The following DTNA variants were observed in gnomAD, a reference collection of about 807,000 sequenced individuals.
DTNA encodes the protein dystrophin-related protein 3.
In DTNA, 43 loss-of-function variants were observed where a neutral mutation model predicts 100.7. That is an observed-to-expected ratio of 0.43 (90% confidence interval 0.33 to 0.55). DTNA has a LOEUF of 0.55. DTNA is among the 20% of genes least tolerant of loss of function. The probability of loss-of-function intolerance (pLI) is 0.04; values close to 1 mark genes in which losing one functional copy is unlikely to be tolerated. For synonymous variants in DTNA, 349 were observed against 347.9 expected, an observed-to-expected ratio of 1.00 and a Z score of -0.04; for missense variants, 798 against 953.9, an observed-to-expected ratio of 0.84 and a Z score of 2.15.
chr18:34,506,865 G>T (rs762778000), intron 1 of DTNA, among the ~76,000 whole-genome samples: 8 of 152,172 alleles, frequency 5.3e-5, no homozygotes, highest in Non-Finnish European at 1.2e-4. Flanking sequence ...TTAGTAAGAA[G>T]AGTAGGGGAA....
intron 22 of DTNA, among the ~76,000 whole-genome samples, chr18:34,885,183 T>C (rs2150454849): frequency 1.3e-5 from 2 of 152,314 alleles, no homozygotes; most frequent in South Asian, 4.1e-4. Context: ...TTAGTCATAC[T>C]ATACCTCGGG....
At chr18:34,549,022 A>G (rs1170735736) in intron 1 of DTNA, among the ~76,000 whole-genome samples, 1 of 152,072 alleles carries the variant, frequency 6.6e-6, no homozygotes, top group Non-Finnish European at 1.5e-5. Context: ...TCCCACCTTA[A>G]TAAGTGGTAC....
chr18:34,509,995 A>G (rs753506450), intron 1 of DTNA, among the ~76,000 whole-genome samples: 2 of 151,792 alleles, frequency 1.3e-5, no homozygotes, highest in Non-Finnish European at 2.9e-5. Flanking sequence ...AAGCAAAATA[A>G]TCTAACTTCA....
At chr18:34,857,595 A>G (rs1603264296) in intron 15 of DTNA, among the ~76,000 whole-genome samples, 1 of 152,232 alleles carries the variant, frequency 6.6e-6, no homozygotes, top group South Asian at 2.1e-4. Context: ...CACCCCCGAC[A>G]GAGGTCACAC....
At chr18:34,815,840 T>C (rs2149383580) in intron 6 of DTNA, 69 bp from the exon 7 acceptor site, 2 of 1,298,006 alleles carry the variant, frequency 1.5e-6, no homozygotes, top group Non-Finnish European at 2.2e-6. Context: ...TCAAATGATA[T>C]GATATTTACA....
chr18:34,778,773 A>C (rs928039221), intron 3 of DTNA, among the ~76,000 whole-genome samples: 1 of 151,162 alleles, frequency 6.6e-6, no homozygotes, highest in Non-Finnish European at 1.5e-5. Context: ...TTTGTCAATG[A>C]CTTGTAAAAT....
At chr18:34,825,129 T>G in intron 9 of DTNA, 1 of 1,160,514 alleles carries the variant, frequency 8.6e-7, no homozygotes, top group African/African-American at 1.5e-5. Context: ...GTGCTGCCAG[T>G]CATGAATTAG....
intron 5 of DTNA, among the ~76,000 whole-genome samples, chr18:34,809,900 G>T (rs986232024): frequency 1.3e-5 from 2 of 152,150 alleles, no homozygotes; most frequent in African/African-American, 4.8e-5. Context: ...GTAATTCCAG[G>T]GAGCATCATT....
At chr18:34,536,689 A>C (rs1200218196) in intron 1 of DTNA, among the ~76,000 whole-genome samples, 1 of 151,980 alleles carries the variant, frequency 6.6e-6, no homozygotes, top group Non-Finnish European at 1.5e-5. Flanking sequence ...TGTAGCTATT[A>C]TCTAATTTGC....
intron 1 of DTNA, among the ~76,000 whole-genome samples, chr18:34,620,626 AT>A (rs1259919248): frequency 5.3e-5 from 8 of 152,152 alleles, no homozygotes; most frequent in African/African-American, 1.7e-4. Flanking sequence ...ACTTACTATT[AT>A]GTTAGAAGGC....
At chr18:34,592,897 A>T (rs1386548074) in intron 1 of DTNA, among the ~76,000 whole-genome samples, 1 of 152,174 alleles carries the variant, frequency 6.6e-6, no homozygotes, top group African/African-American at 2.4e-5. Flanking sequence ...AAGAAAAAAA[A>T]TTTACTATTT....
chr18:34,817,637 G>T (rs576391230), intron 7 of DTNA, among the ~76,000 whole-genome samples: 8 of 152,262 alleles, frequency 5.3e-5, no homozygotes, highest in Non-Finnish European at 8.8e-5. Flanking sequence ...TAAGCCATTA[G>T]TCACTCTATT....
At chr18:34,709,816 G>A (rs552484527), upstream of DTNA, among the ~76,000 whole-genome samples, 14 of 152,300 alleles carry the variant, frequency 9.2e-5, no homozygotes, top group African/African-American at 3.4e-4. Context: ...TAGAAAAAAA[G>A]CACTTTGAAA....
At chr18:34,559,857 T>C (rs563164663) in intron 1 of DTNA, among the ~76,000 whole-genome samples, 2 of 152,334 alleles carry the variant, frequency 1.3e-5, no homozygotes, top group South Asian at 4.1e-4. Context: ...TGTCATCCTA[T>C]ACATTGTACC....
rs2094883074 is a variant in DTNA at position 34,794,400 on chromosome 18, C to T, written c.362+150C>T. ...GTGGATGCTTATGTCAGTAAAGTCTCCATGTGTTTAATATAAATTTTAAAT... is the reference window on the plus strand; with the variant it reads ...GTGGATGCTTATGTCAGTAAAGTCTTCATGTGTTTAATATAAATTTTAAAT... On this transcript the variant is annotated intron_variant, in intron 4 of 22. Coordinates refer to ENST00000444659, the MANE Select transcript of DTNA (RefSeq NM_001386795.1). The T allele has an allele frequency of 1.3e-5, 11 of 869,680 alleles. No individual in the cohort carries two copies. The South Asian group carries it at 1.9e-4, about 15-fold the overall frequency. 53.9% of individuals were successfully genotyped at this position (869,680 alleles called of 1,614,324 possible).
intron 1 of DTNA, chr18:34,679,618 T>G (rs1446206225): frequency 3.3e-5 from 5 of 152,156 alleles, no homozygotes; most frequent in Non-Finnish European, 5.9e-5. Context: ...ACAAAGAACT[T>G]AAGATGAATA....
At chr18:34,686,907 C>T (rs1600200505) in intron 1 of DTNA, among the ~76,000 whole-genome samples, 1 of 152,230 alleles carries the variant, frequency 6.6e-6, no homozygotes, top group East Asian at 1.9e-4. Flanking sequence ...TCCATTTCTC[C>T]TAGATTTTCT....
chr18:34,860,764 A>C lies in DTNA; in HGVS notation c.1646+2366A>C, dbSNP rs904979281. ...GAAAACTGAAAGCTGAGTCACAGCCAGAAGTGACAATGAATATGAATGATA... is the reference window on the plus strand; with the variant it reads ...GAAAACTGAAAGCTGAGTCACAGCCCGAAGTGACAATGAATATGAATGATA... On this transcript the variant is annotated intron_variant, in intron 16 of 22. Coordinates refer to ENST00000444659, the MANE Select transcript of DTNA (RefSeq NM_001386795.1). Among the ~76,000 whole-genome samples, 20 of 152,362 alleles carry C rather than the reference A, an allele frequency of 1.3e-4. No individual in the cohort carries two copies. The East Asian group carries it at 3.9e-3, about 29-fold the overall frequency.
At chr18:34,702,673 C>T (rs1468436043) in intron 1 of DTNA, among the ~76,000 whole-genome samples, 1 of 152,166 alleles carries the variant, frequency 6.6e-6, no homozygotes, top group Non-Finnish European at 1.5e-5. Context: ...CCACCTATAT[C>T]ACCCATAATA....
Sources: gnomAD v4.1 joint callset for allele counts (sites outside exome capture counted in the v4.1 genomes callset) on GRCh38, gnomAD v4.1.1 for gene constraint, MANE v1.5 for transcripts, NCBI Gene and HGNC (gene_info 2026-07-23, HGNC 2026-07-21) for gene names.